SPATA21: variants seen among roughly 807,000 people sequenced by gnomAD.
The protein encoded by SPATA21 is spermatogenesis associated 21.
SPATA21 carries 47 observed loss-of-function variants against 54.8 expected under a neutral mutation model. The observed-to-expected ratio is 0.86, with a 90% CI of 0.68 to 1.09. SPATA21 has a LOEUF of 1.09. Ranked by LOEUF, SPATA21 falls within the 50% of genes least tolerant of loss-of-function variation. SPATA21 has a pLI of 0.00. For missense variants in SPATA21, 599 were observed against 596.4 expected (o/e 1.00, Z -0.05); for synonymous variants, 245 against 235.3 (o/e 1.04, Z -0.38).
Position 16,403,767 on chromosome 1 carries a change from T to G in SPATA21, c.961A>C (p.Met321Leu), listed in dbSNP as rs778429959. The G allele has an allele frequency of 1.2e-6, 2 of 1,614,016 alleles. No individual in the cohort carries two copies. Reference sequence around the variant, plus strand: ...AAGACTGCCTCTGGTAAGGCCAGCATCTCTACCAGCAGGGACAGGATCTCA... The same window carrying G: ...AAGACTGCCTCTGGTAAGGCCAGCAGCTCTACCAGCAGGGACAGGATCTCA... Reference protein sequence around the residue: ...LFEILSLLVEMLALPEAVLEE... With the variant: ...LFEILSLLVELLALPEAVLEE... The change falls in exon 10 of 13, where the codon ATG becomes CTG. Residue 321 changes from methionine (M) to leucine (L), a missense_variant. By Grantham distance (15) the Met-to-Leu change is conservative. Transcript: ENST00000335496.
At chr1:16,427,799 C>G (rs1205660804) in intron 3 of SPATA21, 4 of 1,487,682 alleles carry the variant, frequency 2.7e-6, no homozygotes, top group Admixed American at 2.1e-5. Flanking sequence ...CTCTCTCTCT[C>G]CCCCGCGGGT....
At chr1:16,414,880 C>T (rs997664321) in intron 5 of SPATA21, among the ~76,000 whole-genome samples, 45 of 125,040 alleles carry the variant, frequency 3.6e-4, no homozygotes, top group Non-Finnish European at 6.0e-4. Context: ...GCAACAAGAG[C>T]GAAACCTCAT....
At chr1:16,400,633 T>C in intron 11 of SPATA21, 87 bp downstream of exon 11, 1 of 1,512,374 alleles carries the variant, frequency 6.6e-7, no homozygotes, top group African/African-American at 1.4e-5. Flanking sequence ...TTGGCCTGGC[T>C]GCCTGAGGGT....
rs1301646727 is a variant in SPATA21, at chr1:16,409,416, A to G, written c.587+185T>C. 6.6e-6 allele frequency among the ~76,000 whole-genome samples: 1 copy of G among 152,146 alleles called. No individual in the cohort carries two copies. The highest frequency in any genetic ancestry group is 1.5e-5 in the Non-Finnish European group (1 of 68,024). On this transcript the variant is annotated intron_variant, in intron 6 of 12. Coordinates refer to ENST00000335496, the MANE Select transcript of SPATA21 (RefSeq NM_198546.1). The surrounding 1 kb of genome is among the most constrained non-coding windows in gnomAD (Gnocchi z 4.1). ...GAGACCCCTTCGGGGGAGTTAGAAAAGGGGTCAGAAGTGGGAGAGGAGGCA... is the reference window on the plus strand; with the variant it reads ...GAGACCCCTTCGGGGGAGTTAGAAAGGGGGTCAGAAGTGGGAGAGGAGGCA...
In SPATA21 at chr1:16,399,416, T is replaced by C. The variant is rs1472000444; in HGVS notation, c.1280A>G (p.Asp427Gly). The change falls in exon 12 of 13, where the codon GAC becomes GGC. Residue 427 changes from aspartate (D) to glycine (G), a missense_variant. Coordinates refer to ENST00000335496, the MANE Select transcript of SPATA21 (RefSeq NM_198546.1). ...RRQPSNHYAL[D>G]QCTPPGLDPD... Reference sequence around the variant, plus strand: ...ATCCAGGCCAGGGGGTGTGCACTGGTCTAGTGCATAGTGGTTGCTCGGCTG... The same window carrying C: ...ATCCAGGCCAGGGGGTGTGCACTGGCCTAGTGCATAGTGGTTGCTCGGCTG... 2 of 1,613,540 alleles carry C rather than the reference T, an allele frequency of 1.2e-6. No homozygotes were observed. Among genetic ancestry groups the C allele is most frequent in the Non-Finnish European group, 1.7e-6 (2 of 1,179,962 alleles).
At position 16,430,031 on chromosome 1, in the gene SPATA21, C is replaced by A. The variant is rs1302773677; in HGVS notation, c.34+1307G>T. Among the ~76,000 whole-genome samples the A allele has an allele frequency of 5.6e-5, 8 of 141,910 alleles. No individual in the cohort carries two copies. In the East Asian group the frequency reaches 1.5e-3, roughly 27 times the overall value. The allele number at this position is 141,910 out of a possible 152,430, so 93.1% of individuals were successfully genotyped here. A position where few individuals can be genotyped will look rare whatever the true frequency, so the allele number is the denominator to read the frequency against. ...AATACAAAAAAAATTAGACGGAAAT[C>A]ATTTGAACCCAGGAGGCAGAGGTTG... On this transcript the variant is annotated intron_variant, in intron 3 of 12. Coordinates refer to ENST00000335496, the MANE Select transcript of SPATA21 (RefSeq NM_198546.1).
intron 7 of SPATA21, among the ~76,000 whole-genome samples, chr1:16,405,509 A>AAC (rs1318141929): frequency 2.0e-5 from 3 of 150,042 alleles, no homozygotes; most frequent in Non-Finnish European, 4.5e-5. Context: ...AAAAAAAAAA[A>AAC]AAAAAACTGG....
intron 3 of SPATA21, chr1:16,424,858 C>T: frequency 5.1e-6 from 1 of 197,456 alleles, no homozygotes; most frequent in Non-Finnish European, 1.1e-5. Flanking sequence ...GCACCTCCTC[C>T]CTCCCCCCTG....
intron 5 of SPATA21, among the ~76,000 whole-genome samples, chr1:16,411,804 A>AC (rs1231233387): frequency 1.2e-4 from 17 of 136,350 alleles, no homozygotes; most frequent in Non-Finnish European, 2.1e-4. Context: ...AAAAAAAAAA[A>AC]AAAACAAAAC....
At position 16,426,575 on chromosome 1, in the gene SPATA21, ATATATT is replaced by A. The variant is rs1317188064; in HGVS notation, c.35-4610_35-4605del. Among the ~76,000 whole-genome samples, 5 of 117,898 alleles carry A rather than the reference ATATATT, an allele frequency of 4.2e-5. No individual in the cohort carries two copies. In the East Asian group the frequency reaches 8.3e-4, roughly 19 times the overall value. 77.3% of individuals were successfully genotyped at this position (117,898 alleles called of 152,430 possible). On this transcript the variant is annotated intron_variant, in intron 3 of 12. Transcript: ENST00000335496. ...TGCCCGGCTATATATATATATATAT[ATATATT>A]TTTTTTTTTTTTTTTTGAGACAGAA... is the stretch of plus-strand genomic sequence containing the variant.
intron 3 of SPATA21, among the ~76,000 whole-genome samples, chr1:16,427,300 T>C (rs1443554687): frequency 6.6e-6 from 1 of 152,110 alleles, no homozygotes; most frequent in African/African-American, 2.4e-5. Flanking sequence ...CTAACTTTTC[T>C]TGTAGAGGAG....
At position 16,421,803 on chromosome 1, in the gene SPATA21, G is replaced by C; in HGVS notation, c.95+108C>G. The C allele has an allele frequency of 6.5e-7, 1 of 1,529,180 alleles. No homozygotes were observed. The highest frequency in any genetic ancestry group is 9.0e-7 in the Non-Finnish European group (1 of 1,108,798). 94.7% of individuals were successfully genotyped at this position (1,529,180 alleles called of 1,614,324 possible). A position where few individuals can be genotyped will look rare whatever the true frequency, so the allele number is the denominator to read the frequency against. On this transcript the variant is annotated intron_variant, in intron 4 of 12. Transcript: ENST00000335496. The surrounding 1 kb of genome is among the most constrained non-coding windows in gnomAD (Gnocchi z 5.2). ...ACCCAGCGGAGCATGACTTGCCCAA[G>C]GTCCTCTACCAGGTCAGGAGCAGTC...
At position 16,428,478 on chromosome 1, in the gene SPATA21, C is replaced by G. The variant is rs2086375994; in HGVS notation, c.34+2860G>C. ...AGTCTCGGCTCACTGCAACTTCCACCTGCTGGGTTCAAGCGATTCTTGTGC... is the reference window on the plus strand; with the variant it reads ...AGTCTCGGCTCACTGCAACTTCCACGTGCTGGGTTCAAGCGATTCTTGTGC... On this transcript the variant is annotated intron_variant, in intron 3 of 12. Transcript: ENST00000335496. This position sits in a 1 kb window ranked among gnomAD's most constrained non-coding sequence, Gnocchi z 4.3. Among the ~76,000 whole-genome samples the G allele has an allele frequency of 6.6e-6, 1 of 152,316 alleles. No homozygotes were observed. Among genetic ancestry groups the G allele is most frequent in the African/African-American group, 2.4e-5 (1 of 41,590 alleles).
chr1:16,409,814 G>A lies in SPATA21; in HGVS notation c.374C>T (p.Pro125Leu). ...CGAGGCAGGGGTCTGAGGCAGGCTT[G>A]GAGCTGAGGTGGGCACCGGGGTCAG... ...RTLTPVPTSA[P>L]SLPQTPASVP... The change falls in exon 6 of 13, where the codon CCA becomes CTA. Residue 125 changes from proline to leucine, a missense_variant. Physicochemically the swap from Pro to Leu is moderately conservative, Grantham distance 98 (BLOSUM62 -3). Coordinates refer to ENST00000335496, the MANE Select transcript of SPATA21 (RefSeq NM_198546.1). The surrounding 1 kb of genome is among the most constrained non-coding windows in gnomAD (Gnocchi z 4.1). The A allele has an allele frequency of 6.3e-7, 1 of 1,598,084 alleles. No homozygotes were observed. The highest frequency in any genetic ancestry group is 8.5e-7 in the Non-Finnish European group (1 of 1,172,852).
At chr1:16,429,531 A>C (rs11260755) in intron 3 of SPATA21, among the ~76,000 whole-genome samples, 2 of 151,664 alleles carry the variant, frequency 1.3e-5, no homozygotes, top group Admixed American at 1.3e-4. Context: ...CTGGAGTGCA[A>C]TGGTGCAATC....
At chr1:16,398,875 C>T in intron 12 of SPATA21, 53 bp from the exon 13 acceptor site, 2 of 1,573,288 alleles carry the variant, frequency 1.3e-6, no homozygotes, top group Middle Eastern at 1.7e-4. Context: ...CTTTCCCTAT[C>T]TGCCAGTATA....
intron 5 of SPATA21, among the ~76,000 whole-genome samples, chr1:16,419,813 G>C (rs1201477923): frequency 6.6e-6 from 1 of 152,134 alleles, no homozygotes; most frequent in East Asian, 1.9e-4. Context: ...GGTGGTGCTT[G>C]CCTGTAATCC....
chr1:16,434,610 A>T (rs1407963724), intron 1 of SPATA21, among the ~76,000 whole-genome samples: 1 of 151,324 alleles, frequency 6.6e-6, no homozygotes, highest in Non-Finnish European at 1.5e-5. Flanking sequence ...TCCACATTTT[A>T]CCTATTATGA....
chr1:16,424,339 A>T (rs866460359), intron 3 of SPATA21, among the ~76,000 whole-genome samples: 1 of 150,188 alleles, frequency 6.7e-6, no homozygotes, highest in South Asian at 2.1e-4. Context: ...ACAGATAAAT[A>T]AAAAAAGATC....
Sources: gnomAD v4.1 joint callset for allele counts (sites outside exome capture counted in the v4.1 genomes callset) on GRCh38, gnomAD v4.1.1 for gene constraint, Gnocchi (gnomAD v3.1) non-coding constraint, MANE v1.5 for transcripts, NCBI Gene and HGNC (gene_info 2026-07-23, HGNC 2026-07-21) for gene names.